The following ZGRF1 variants were observed in gnomAD, a reference collection of about 807,000 sequenced individuals.
ZGRF1 encodes zinc finger GRF-type containing 1.
In ZGRF1, 196 loss-of-function variants were observed where a neutral mutation model predicts 203.5. That is an observed-to-expected ratio of 0.96 (90% CI 0.86 to 1.08). The LOEUF is 1.08. ZGRF1 is among the 50% of genes least tolerant of loss of function. The pLI, the probability that ZGRF1 is intolerant of heterozygous loss-of-function variation, is 0.00. For missense variants in ZGRF1, 2,326 were observed against 2,416.3 expected (o/e 0.96, Z 0.78); for synonymous variants, 809 against 841.3 (o/e 0.96, Z 0.66).
chr4:112,559,815 T>C (rs1259810729), intron 19 of ZGRF1, among the ~76,000 whole-genome samples: 3 of 152,136 alleles, frequency 2.0e-5, no homozygotes, highest in African/African-American at 7.2e-5. Flanking sequence ...AATTCAGGAT[T>C]CTAACTCTAG....
At chr4:112,624,018 C>A in intron 3 of ZGRF1, 142 bp from the exon 4 acceptor site, 1 of 598,492 alleles carries the variant, frequency 1.7e-6, no homozygotes, top group Non-Finnish European at 3.0e-6. Flanking sequence ...TTTGAAAATT[C>A]ATCTATTTTG....
intron 6 of ZGRF1, among the ~76,000 whole-genome samples, chr4:112,614,565 ACGC>A (rs2046800211): frequency 2.0e-5 from 3 of 152,350 alleles, no homozygotes; most frequent in Admixed American, 6.5e-5. Context: ...ACAGTGGCTC[ACGC>A]CTATAATCCC....
chr4:112,600,079 C>T (rs1160349143), intron 10 of ZGRF1, among the ~76,000 whole-genome samples: 2 of 152,196 alleles, frequency 1.3e-5, no homozygotes, highest in East Asian at 3.9e-4. Flanking sequence ...CACTCTGTCA[C>T]CCAGTGTGGT....
intron 16 of ZGRF1, among the ~76,000 whole-genome samples, chr4:112,572,997 G>A (rs1431116228): frequency 6.6e-6 from 1 of 152,046 alleles, no homozygotes; most frequent in Non-Finnish European, 1.5e-5. Flanking sequence ...ATTCCTTAAA[G>A]AACTAAAAGT....
intron 14 of ZGRF1, 138 bp from the exon 15 acceptor site, chr4:112,584,312 C>T (rs908640974): frequency 3.9e-5 from 16 of 415,504 alleles, no homozygotes; most frequent in Non-Finnish European, 6.3e-5. Context: ...TATGACTTAA[C>T]TTTATCATTA....
rs558448476 is a variant in ZGRF1 at position 112,566,047 on chromosome 4, A to G, written c.4439-2773T>C. Among the ~76,000 whole-genome samples the G allele has an allele frequency of 1.3e-4, 20 of 152,304 alleles. No homozygotes were observed. In the East Asian group the frequency reaches 2.9e-3, roughly 22 times the overall value. ...TGCTGCTATAAAGACACATGCACAC[A>G]TATGTTTATTACGGCACTATTCACA... is the stretch of plus-strand genomic sequence containing the variant. On this transcript the variant is annotated intron_variant, in intron 16 of 27. Transcript: ENST00000505019.
chr4:112,630,782 T>TG (rs747662891), intron 3 of ZGRF1, among the ~76,000 whole-genome samples: 1 of 150,040 alleles, frequency 6.7e-6, no homozygotes, highest in Non-Finnish European at 1.5e-5. Flanking sequence ...CCCAGCTACT[T>TG]GGGGGGCTGA....
At chr4:112,606,782 T>A (rs928456042) in intron 8 of ZGRF1, among the ~76,000 whole-genome samples, 2 of 151,996 alleles carry the variant, frequency 1.3e-5, no homozygotes, top group Non-Finnish European at 2.9e-5. Context: ...GAAGAAAAAT[T>A]GAAAAAGTGT....
chr4:112,616,013 G>A (rs1420681225), intron 6 of ZGRF1, among the ~76,000 whole-genome samples: 1 of 151,988 alleles, frequency 6.6e-6, no homozygotes, highest in Non-Finnish European at 1.5e-5. Context: ...ATTTTAGTAG[G>A]TACAATAAGT....
intron 10 of ZGRF1, among the ~76,000 whole-genome samples, chr4:112,594,246 C>A (rs981260212): frequency 6.6e-6 from 1 of 152,034 alleles, no homozygotes; most frequent in Non-Finnish European, 1.5e-5. Context: ...GTCTTCTGAC[C>A]CACAGAAGGT....
chr4:112,600,599 G>A (rs911066106), intron 10 of ZGRF1, among the ~76,000 whole-genome samples: 15 of 152,088 alleles, frequency 9.9e-5, no homozygotes, highest in Non-Finnish European at 1.9e-4. Context: ...GCTGACGCAG[G>A]AGAATCACTT....
At chr4:112,620,520 C>CCT (rs2047028308) in intron 4 of ZGRF1, among the ~76,000 whole-genome samples, 1 of 152,136 alleles carries the variant, frequency 6.6e-6, no homozygotes, top group African/African-American at 2.4e-5. Context: ...ATGAGACCAG[C>CCT]CTGGGCAAAA....
Position 112,633,232 on chromosome 4 carries a change from A to G in ZGRF1, c.-56T>C. 7.7e-7 allele frequency: 1 copy of G among 1,303,466 alleles called. No individual in the cohort carries two copies. Among genetic ancestry groups the G allele is most frequent in the Non-Finnish European group, 1.1e-6 (1 of 919,458 alleles). The allele number at this position is 1,303,466 out of a possible 1,614,324, so 80.7% of individuals were successfully genotyped here. ...TCCAGAAAATAGGAAATATTCAACT[A>G]TTTATACCACCTAAAATTAAAAATG... On this transcript the variant is annotated 5_prime_UTR_variant, in exon 2 of 28. Coordinates refer to ENST00000505019, the MANE Select transcript of ZGRF1 (RefSeq NM_018392.5).
At chr4:112,617,139 C>T (rs1297255544) in intron 6 of ZGRF1, among the ~76,000 whole-genome samples, 2 of 152,014 alleles carry the variant, frequency 1.3e-5, no homozygotes, top group South Asian at 2.1e-4. Flanking sequence ...TATATATGTA[C>T]GTTTTTTGAC....
At chr4:112,545,549 C>T (rs1166970291) in intron 24 of ZGRF1, among the ~76,000 whole-genome samples, 2 of 152,010 alleles carry the variant, frequency 1.3e-5, no homozygotes, top group Non-Finnish European at 2.9e-5. Flanking sequence ...AAAATGACGC[C>T]GCTGCTATAG....
At position 112,577,258 on chromosome 4, in the gene ZGRF1, TAA is replaced by T. The variant is rs1745418394; in HGVS notation, c.4438+4403_4438+4404del. Among the ~76,000 whole-genome samples, 4 of 122,518 alleles carry T rather than the reference TAA, an allele frequency of 3.3e-5. 1 individual carries two copies. Among genetic ancestry groups the T allele is most frequent in the African/African-American group, 1.1e-4 (4 of 35,290 alleles). 80.4% of individuals were successfully genotyped at this position (122,518 alleles called of 152,430 possible). On this transcript the variant is annotated intron_variant, in intron 16 of 27. Transcript: ENST00000505019. The stretch of plus-strand genomic sequence containing the variant: ...GATTTTGTCACCACCAGGCCTGCCC[TAA>T]AAGAGCTCCTGAAGGAAGCGCTAAA...
chr4:112,617,810 A>G lies in ZGRF1; in HGVS notation c.2232T>C (p.Asn744=). The G allele has an allele frequency of 1.2e-6, 2 of 1,613,978 alleles. No homozygotes were observed. Among genetic ancestry groups the G allele is most frequent in the South Asian group, 2.2e-5 (2 of 91,068 alleles). Residue 744 remains asparagine, a synonymous_variant, in exon 6 of 28, where the codon AAT becomes AAC. Coordinates refer to ENST00000505019, the MANE Select transcript of ZGRF1 (RefSeq NM_018392.5). ...SDNSVQLLNT[N]QNHYECIALD... ...GTGCAATACATTCATAGTGATTCTG[A>G]TTGGTATTTAATAGTTGGACACTGT...
intron 24 of ZGRF1, among the ~76,000 whole-genome samples, chr4:112,542,796 C>T (rs1435448053): frequency 6.7e-6 from 1 of 148,698 alleles, no homozygotes; most frequent in African/African-American, 2.5e-5. Context: ...TTCCTTCTTT[C>T]TTTTTTCTTT....
chr4:112,559,256 T>C (rs975057119), intron 19 of ZGRF1, among the ~76,000 whole-genome samples: 3 of 152,154 alleles, frequency 2.0e-5, no homozygotes, highest in African/African-American at 7.2e-5. Flanking sequence ...TGGAGTGCAG[T>C]GGCGCAATCG....
Sources: allele counts gnomAD v4.1 joint callset (sites outside exome capture counted in the v4.1 genomes callset), GRCh38; gene constraint gnomAD v4.1.1; transcripts MANE v1.5; gene names NCBI Gene and HGNC (gene_info 2026-07-23, HGNC 2026-07-21).